CHPF: variants seen among roughly 807,000 people sequenced by gnomAD.
CHPF encodes the protein chondroitin polymerizing factor, also known as chondroitin polymerizing factor, non-catalytic subunit.
A neutral mutation model predicts 55.1 loss-of-function variants in CHPF; 34 were observed. The ratio of observed to expected loss-of-function variants is 0.62; its 90% confidence interval spans 0.47 to 0.82. The LOEUF (loss-of-function observed/expected upper bound fraction) is 0.82, where lower values mean the gene tolerates loss of function less well. CHPF is among the 40% of genes least tolerant of loss of function. The probability of loss-of-function intolerance (pLI) is 0.00; values close to 1 mark genes in which losing one functional copy is unlikely to be tolerated. For synonymous variants in CHPF, 489 were observed against 496.6 expected (o/e 0.98, Z 0.20); for missense variants, 961 against 1,106.1 (o/e 0.87, Z 1.86).
At chr2:219,541,242 A>ACTTGC (rs1695263888) in intron 2 of CHPF, 117 bp from the exon 3 acceptor site, 2 of 1,014,156 alleles carry the variant, frequency 2.0e-6, no homozygotes, top group Non-Finnish European at 2.8e-6. Flanking sequence ...CTGAGGGTTT[A>ACTTGC]AGTCTACCTT....
rs766770638 is a variant in CHPF, at chr2:219,543,277, C to G, written c.262G>C (p.Val88Leu). The change falls in exon 1 of 4, where the codon GTC (valine) becomes CTC (leucine). Residue 88 changes from valine (V) to leucine (L), a missense_variant. Physicochemically the swap from Val to Leu is conservative, Grantham distance 32. Transcript: ENST00000243776. Reference sequence around the variant, plus strand: ...GGCTGTGCAGGGTGGTAGGGCAAGACGCGCGGCTCCCAATTCTCCCCGGCG... The same window carrying G: ...GGCTGTGCAGGGTGGTAGGGCAAGAGGCGCGGCTCCCAATTCTCCCCGGCG... Reference protein sequence around the residue: ...EGAGENWEPRVLPYHPAQPGQ... With the variant: ...EGAGENWEPRLLPYHPAQPGQ... The G allele has an allele frequency of 1.1e-5, 18 of 1,576,374 alleles. No individual in the cohort carries two copies. The East Asian group carries it at 4.3e-4, about 38-fold the overall frequency.
At position 219,540,933 on chromosome 2, in the gene CHPF, A is replaced by C. The variant is rs749178573; in HGVS notation, c.1068+13T>G. 1 of 1,612,622 alleles carries C rather than the reference A, an allele frequency of 6.2e-7. No homozygotes were observed. The highest frequency in any genetic ancestry group is 1.7e-5 in the Admixed American group (1 of 59,624). ...GTCCCCGTCACTCTGCCACCCCCAG[A>C]CCTAGACCATACCTGTAACTCCTGG... On this transcript the variant is annotated intron_variant, in intron 3 of 3. Transcript: ENST00000243776.
chr2:219,539,247 A>C lies in CHPF; in HGVS notation c.*136T>G. On this transcript the variant is annotated 3_prime_UTR_variant, in exon 4 of 4. Transcript: ENST00000243776. ...CCAGAGCCCAGGGACCCACAGAGCC[A>C]GAGAGGGGACCAGTGGGCCAGCTTG... 1 of 812,602 alleles carries C rather than the reference A, an allele frequency of 1.2e-6. No individual in the cohort carries two copies. The highest frequency in any genetic ancestry group is 1.9e-6 in the Non-Finnish European group (1 of 529,032). 50.3% of individuals were successfully genotyped at this position (812,602 alleles called of 1,614,324 possible).
Position 219,541,083 on chromosome 2 carries a change from C to T in CHPF, c.931G>A (p.Val311Met). 23 of 1,612,864 alleles carry T rather than the reference C, an allele frequency of 1.4e-5. No homozygotes were observed. The highest frequency in any genetic ancestry group is 1.9e-5 in the Non-Finnish European group (22 of 1,179,512). Residue 311 changes from valine to methionine, a missense_variant, in exon 3 of 4, where the codon GTG (valine) becomes ATG (methionine). This residue lies in a region of CHPF where 936 missense variants were observed against 1,058.4 expected (regional missense o/e 0.88). Transcript: ENST00000243776. ...CGGAAATGAGGGTCCCCCTCCTGCA[C>T]TGGCTCCCCAGGGCTCAGCTCCAGA... ...SHLELSPGEPVQEGDPHFRSA... is the reference protein window; with the variant it reads ...SHLELSPGEPMQEGDPHFRSA...
chr2:219,540,894 A>G (rs1344155366), intron 3 of CHPF, 52 bp downstream of exon 3: 1 of 1,588,826 alleles, frequency 6.3e-7, no homozygotes, highest in Non-Finnish European at 8.5e-7. Flanking sequence ...GCTCTCTGTG[A>G]CTTCTCAGAT....
In CHPF at chr2:219,541,634, G is replaced by A; in HGVS notation, c.870C>T (p.Gly290=). The A allele has an allele frequency of 6.3e-7, 1 of 1,583,622 alleles. No individual in the cohort carries two copies. The highest frequency in any genetic ancestry group is 8.6e-7 in the Non-Finnish European group (1 of 1,161,534). ...ATCCCACCTCGTGGTCACCAGTGCA[G>A]CCCACCCCGGTGGCATCGAGAATGC... is the stretch of plus-strand genomic sequence containing the variant. ...GRCILDATGV[G]CTGDHEGVHY... is the part of the protein sequence containing the mutation. Residue 290 remains glycine, a synonymous_variant, in exon 2 of 4, where the codon GGC becomes GGT. Coordinates refer to ENST00000243776, the MANE Select transcript of CHPF (RefSeq NM_024536.6).
rs770917814 is a variant in CHPF at position 219,539,395 on chromosome 2, G to A, written c.2316C>T (p.Gly772=). The A allele has an allele frequency of 5.0e-6, 8 of 1,600,654 alleles. No homozygotes were observed. The African/African-American group carries it at 1.1e-4, about 21-fold the overall frequency. Reference sequence around the variant, plus strand: ...GGACAGGGTGGGGTCAGGTGCTGTTGCCCTGCTCCTGTTCAAAGAGTAGCA... The same window carrying A: ...GGACAGGGTGGGGTCAGGTGCTGTTACCCTGCTCCTGTTCAAAGAGTAGCA... ...LAMLLFEQEQ[G]NST Residue 772 remains glycine, a synonymous_variant, in exon 4 of 4, where the codon GGC becomes GGT. Coordinates refer to ENST00000243776, the MANE Select transcript of CHPF (RefSeq NM_024536.6).
rs1176949196 is a variant in CHPF, at chr2:219,541,683, C to A, written c.821G>T (p.Arg274Leu). ...EGCRNDIVSA[R>L]PDEWLGRCIL... ...GCAGCGACCCAGCCACTCGTCAGGG[C>A]GCGCACTGACGATGTCGTTGCGGCA... is the stretch of plus-strand genomic sequence containing the variant. Residue 274 changes from arginine to leucine, a missense_variant, in exon 2 of 4, where the codon CGC becomes CTC. By Grantham distance (102) the Arg-to-Leu change is moderately radical. Coordinates refer to ENST00000243776, the MANE Select transcript of CHPF (RefSeq NM_024536.6). 4.3e-6 allele frequency: 7 copies of A among 1,610,736 alleles called. No individual in the cohort carries two copies. Among genetic ancestry groups the A allele is most frequent in the Non-Finnish European group, 5.9e-6 (7 of 1,178,172 alleles).
In CHPF at chr2:219,539,616, C is replaced by T. The variant is rs149014949; in HGVS notation, c.2095G>A (p.Glu699Lys). 138 of 1,613,794 alleles carry T rather than the reference C, an allele frequency of 8.6e-5. 1 individual carries two copies. Among genetic ancestry groups the T allele is most frequent in the South Asian group, 2.9e-4 (26 of 91,090 alleles). ...ACATCCAGGCTCTCCAGCAGCTCCT[C>T]TTCTTGTTCTGAGGCTGCCGCCAGG... Reference protein sequence around the residue: ...GRLAAASEQEEELLESLDVYE... With the variant: ...GRLAAASEQEKELLESLDVYE... Residue 699 changes from glutamate to lysine, a missense_variant, in exon 4 of 4, where the codon GAG becomes AAG. Glu to Lys is a moderately conservative substitution (Grantham distance 56). Transcript: ENST00000243776.
intron 1 of CHPF, 66 bp downstream of exon 1, chr2:219,543,159 G>A (rs1695314507): frequency 1.5e-6 from 2 of 1,372,162 alleles, no homozygotes; most frequent in East Asian, 6.1e-5. Context: ...ACCCGGGCCC[G>A]GGCGACCTCC....
Position 219,541,769 on chromosome 2 carries a change from T to A in CHPF, c.735A>T (p.Gly245=), listed in dbSNP as rs1227289422. The A allele has an allele frequency of 6.2e-7, 1 of 1,609,454 alleles. No homozygotes were observed. Among genetic ancestry groups the A allele is most frequent in the Non-Finnish European group, 8.5e-7 (1 of 1,177,894 alleles). The change falls in exon 2 of 4, where the codon GGA becomes GGT. Residue 245 remains glycine, a synonymous_variant. Coordinates refer to ENST00000243776, the MANE Select transcript of CHPF (RefSeq NM_024536.6). ...TGCGCGACAGCAGCACCCCAAAGCC[T>A]CCGTGGCAGTAGCGGCCGGGGGTGG... ...GEPTPGRYCH[G]GFGVLLSRML...
Position 219,540,633 on chromosome 2 carries a change from G to T in CHPF, c.1078C>A (p.Gln360Lys). ...TCAACGGCCAGATGGCTGGTATTCT[G>T]GATCTCCCACTGGATCAGAGAAACA... ...QEIQELQWEI[Q>K]NTSHLAVDGD... Residue 360 changes from glutamine to lysine, a missense_variant, in exon 4 of 4, where the codon CAG (glutamine) becomes AAG (lysine). Transcript: ENST00000243776. The T allele has an allele frequency of 6.3e-7, 1 of 1,596,826 alleles. No individual in the cohort carries two copies. Among genetic ancestry groups the T allele is most frequent in the Non-Finnish European group, 8.5e-7 (1 of 1,171,992 alleles).
At position 219,543,419 on chromosome 2, in the gene CHPF, TG is replaced by T. The variant is rs1292895017; in HGVS notation, c.119del (p.Pro40GlnfsTer85). On this transcript the variant is annotated frameshift_variant, in exon 1 of 4. Coordinates refer to ENST00000243776, the MANE Select transcript of CHPF (RefSeq NM_024536.6). LOFTEE classifies it high-confidence loss of function. ...CAGAGTCTCCAGGTTGGGGCGGGCC[TG>T]GGCCGCACGGCTCCTCCACCCAGGT... ...SVTWVEEPCG[P>X]GPPQPGDSEL... 10 of 1,529,578 alleles carry T rather than the reference TG, an allele frequency of 6.5e-6. No homozygotes were observed. The highest frequency in any genetic ancestry group is 7.8e-6 in the Non-Finnish European group (9 of 1,149,504). 94.8% of individuals were successfully genotyped at this position (1,529,578 alleles called of 1,614,324 possible).
Position 219,542,150 on chromosome 2 carries a change from C to A in CHPF, c.354G>T (p.Arg118Ser). ...GAGAGGTCAGCACCGCCACCAGCAG[C>A]CTCTGCCTGATGCCCAGCTCCGTGC... The part of the protein sequence containing the change: ...YISTELGIRQ[R>S]LLVAVLTSQT... The change falls in exon 2 of 4, where the codon AGG becomes AGT. Residue 118 changes from arginine (R) to serine (S), a missense_variant. Physicochemically the swap from Arg to Ser is moderately radical, Grantham distance 110. Around this residue, in one of 3 missense-constraint regions of CHPF, gnomAD observed 936 missense variants for 1,058.4 expected, o/e 0.88. Coordinates refer to ENST00000243776, the MANE Select transcript of CHPF (RefSeq NM_024536.6). 6.5e-7 allele frequency: 1 copy of A among 1,548,370 alleles called. No individual in the cohort carries two copies. The highest frequency in any genetic ancestry group is 1.2e-5 in the South Asian group (1 of 83,228).
In CHPF at chr2:219,541,704, C is replaced by A; in HGVS notation, c.800G>T (p.Arg267Leu). The change falls in exon 2 of 4, where the codon CGC (arginine) becomes CTC (leucine). Residue 267 changes from arginine to leucine, a missense_variant. Around this residue, in one of 3 missense-constraint regions of CHPF, gnomAD observed 936 missense variants for 1,058.4 expected, o/e 0.88. Coordinates refer to ENST00000243776, the MANE Select transcript of CHPF (RefSeq NM_024536.6). ...QQLRPHLEGC[R>L]NDIVSARPDE... Reference sequence around the variant, plus strand: ...AGGGCGCGCACTGACGATGTCGTTGCGGCAGCCTTCCAGGTGGGGGCGCAG... The same window carrying A: ...AGGGCGCGCACTGACGATGTCGTTGAGGCAGCCTTCCAGGTGGGGGCGCAG... 6.2e-7 allele frequency: 1 copy of A among 1,611,770 alleles called. No homozygotes were observed. The highest frequency in any genetic ancestry group is 8.5e-7 in the Non-Finnish European group (1 of 1,178,986).
rs768694057 is a variant in CHPF, at chr2:219,540,235, G to A, written c.1476C>T (p.Ser492=). ...TRRVQLLRPL[S]RVEILPVPYV... ...AGGGCACAGGCAAGATCTCCACGCG[G>A]CTCAGCGGCCGGAGCAGCTGCACTC... The change falls in exon 4 of 4, where the codon AGC becomes AGT. Residue 492 remains serine, a synonymous_variant. Coordinates refer to ENST00000243776, the MANE Select transcript of CHPF (RefSeq NM_024536.6). 1.9e-6 allele frequency: 3 copies of A among 1,613,648 alleles called. No individual in the cohort carries two copies. The highest frequency in any genetic ancestry group is 2.5e-6 in the Non-Finnish European group (3 of 1,179,804).
In CHPF at chr2:219,541,126, C is replaced by T; in HGVS notation, c.889-1G>A. ...GCTCCAGATGGCTATAGTGCACCCC[C>T]TGGGGAGAGGAAGGGAAGGGATCTG... On this transcript the variant is annotated splice_acceptor_variant, in intron 2 of 3. Transcript: ENST00000243776. LOFTEE classifies it high-confidence loss of function. 1 of 1,583,550 alleles carries T rather than the reference C, an allele frequency of 6.3e-7. No individual in the cohort carries two copies. The highest frequency in any genetic ancestry group is 8.6e-7 in the Non-Finnish European group (1 of 1,167,182).
intron 2 of CHPF, 193 bp from the exon 3 acceptor site, chr2:219,541,318 G>T (rs546389868): frequency 1.7e-6 from 1 of 593,976 alleles, no homozygotes; most frequent in East Asian, 3.1e-5. Flanking sequence ...ATGGGCATGC[G>T]TCCTGTCTCA....
Position 219,539,780 on chromosome 2 carries a change from A to G in CHPF, c.1931T>C (p.Phe644Ser), listed in dbSNP as rs1157827960. 6.2e-7 allele frequency: 1 copy of G among 1,613,478 alleles called. No individual in the cohort carries two copies. Among genetic ancestry groups the G allele is most frequent in the African/African-American group, 1.3e-5 (1 of 75,056 alleles). Reference protein sequence around the residue: ...SGWQAFFPMHFQAFHPAVAPP... With the variant: ...SGWQAFFPMHSQAFHPAVAPP... ...GGCCACAGCTGGGTGGAAGGCTTGG[A>G]AATGCATGGGAAAGAAGGCCTGCCA... Residue 644 changes from phenylalanine to serine, a missense_variant, in exon 4 of 4, where the codon TTC (phenylalanine) becomes TCC (serine). Phe to Ser is a radical substitution (Grantham distance 155). This residue lies in a region of CHPF where 936 missense variants were observed against 1,058.4 expected (regional missense o/e 0.88). Transcript: ENST00000243776.
Sources: allele counts gnomAD v4.1 joint callset, GRCh38; gene constraint gnomAD v4.1.1; regional missense constraint gnomAD v4.1.1; transcripts MANE v1.5; gene names NCBI Gene and HGNC (gene_info 2026-07-23, HGNC 2026-07-21).